The following EFNA3 variants were observed in gnomAD, a reference collection of about 807,000 sequenced individuals.
EFNA3 encodes ephrin-A3.
In EFNA3, 15 loss-of-function variants were observed where a neutral mutation model predicts 25.0. That is an observed-to-expected ratio of 0.60 (90% CI 0.40 to 0.92). The LOEUF (loss-of-function observed/expected upper bound fraction) is 0.92. Ranked by LOEUF, EFNA3 falls within the 40% of genes least tolerant of loss-of-function variation. The pLI is 0.00. For synonymous variants in EFNA3, 153 were observed against 145.6 expected, an observed-to-expected ratio of 1.05 and a Z score of -0.37; for missense variants, 298 against 323.8, an observed-to-expected ratio of 0.92 and a Z score of 0.61.
In EFNA3 at chr1:155,085,380, G is replaced by C; in HGVS notation, c.418G>C (p.Ala140Pro). Residue 140 changes from alanine to proline, a missense_variant, in exon 2 of 5, where the codon GCC (alanine) becomes CCC (proline). By Grantham distance (27) the Ala-to-Pro change is conservative. Transcript: ENST00000368408. This position sits in a 1 kb window ranked among gnomAD's most constrained non-coding sequence, Gnocchi z 4.4. ...CTTCTCTCTGGGCTACGAGTTCCAC[G>C]CCGGCCACGAGTACTACTACATCTG... is the stretch of plus-strand genomic sequence containing the variant. ...SAFSLGYEFH[A>P]GHEYYYISTP... The C allele has an allele frequency of 6.2e-7, 1 of 1,609,586 alleles. No individual in the cohort carries two copies. Among genetic ancestry groups the C allele is most frequent in the Non-Finnish European group, 8.5e-7 (1 of 1,177,570 alleles).
rs376591486 is a variant in EFNA3 at position 155,079,822 on chromosome 1, G to C, written c.128+753G>C. ...CTGAGTGTGTGATTTGTGTGTCTGC[G>C]TCGGCGATCGTCTGGGGGTGGGAGC... is the stretch of plus-strand genomic sequence containing the variant. On this transcript the variant is annotated intron_variant, in intron 1 of 4. Coordinates refer to ENST00000368408, the MANE Select transcript of EFNA3 (RefSeq NM_004952.5). The surrounding 1 kb of genome is among the most constrained non-coding windows in gnomAD (Gnocchi z 7.7). Among the ~76,000 whole-genome samples the C allele has an allele frequency of 6.6e-6, 1 of 152,074 alleles. No individual in the cohort carries two copies. The highest frequency in any genetic ancestry group is 1.5e-5 in the Non-Finnish European group (1 of 68,010).
In EFNA3 at chr1:155,086,543, GCT is replaced by G. The variant is rs1387513279; in HGVS notation, c.*3_*4del. 6.2e-7 allele frequency: 1 copy of G among 1,610,900 alleles called. No homozygotes were observed. Among genetic ancestry groups the G allele is most frequent in the South Asian group, 1.1e-5 (1 of 91,056 alleles). On this transcript the variant is annotated 3_prime_UTR_variant, in exon 5 of 5. Coordinates refer to ENST00000368408, the MANE Select transcript of EFNA3 (RefSeq NM_004952.5). ...TCCTCATGACGTTCTTGGCCTCCTA[GCT>G]CTGCCCCCTCCCCTGGGGGGGGAGA... is the stretch of plus-strand genomic sequence containing the variant.
intron 1 of EFNA3, among the ~76,000 whole-genome samples, chr1:155,083,054 C>T (rs1663375853): frequency 6.6e-6 from 1 of 152,236 alleles, no homozygotes; most frequent in African/African-American, 2.4e-5. Context: ...GAGTACATAA[C>T]AGATGGCTTC....
rs1531478 is a variant in EFNA3 at position 155,085,204 on chromosome 1, G to A, written c.242G>A (p.Gly81Asp). The A allele has an allele frequency of 4.3e-6, 7 of 1,612,754 alleles. No individual in the cohort carries two copies. The East Asian group carries it at 1.6e-4, about 36-fold the overall frequency. ...VGPGAGPGPG[G>D]GAEQYVLYMV... ...CCCGGGGCGGGACCGGGGCCCGGAG[G>A]CGGGGCAGAGCAGTACGTGCTGTAC... The change falls in exon 2 of 5, where the codon GGC (glycine) becomes GAC (aspartate). Residue 81 changes from glycine (G) to aspartate (D), a missense_variant. By Grantham distance (94) the Gly-to-Asp change is moderately conservative (BLOSUM62 -1). Coordinates refer to ENST00000368408, the MANE Select transcript of EFNA3 (RefSeq NM_004952.5). The surrounding 1 kb of genome is among the most constrained non-coding windows in gnomAD (Gnocchi z 4.4).
At position 155,081,071 on chromosome 1, in the gene EFNA3, G is replaced by C. The variant is rs1204679191; in HGVS notation, c.128+2002G>C. Reference sequence around the variant, plus strand: ...GCTCCTGGCTCCCACCTCCCGTCACGTGCGGAGGGTCTCTGCCCCTTGGGG... The same window carrying C: ...GCTCCTGGCTCCCACCTCCCGTCACCTGCGGAGGGTCTCTGCCCCTTGGGG... On this transcript the variant is annotated intron_variant, in intron 1 of 4. Coordinates refer to ENST00000368408, the MANE Select transcript of EFNA3 (RefSeq NM_004952.5). This position sits in a 1 kb window ranked among gnomAD's most constrained non-coding sequence, Gnocchi z 5.2. 1.3e-5 allele frequency among the ~76,000 whole-genome samples: 2 copies of C among 152,196 alleles called. No homozygotes were observed. Among genetic ancestry groups the C allele is most frequent in the Non-Finnish European group, 2.9e-5 (2 of 68,020 alleles).
In EFNA3 at chr1:155,087,472, AG is replaced by A. The variant is rs1052805486; in HGVS notation, c.*930del. 1 of 152,780 alleles carries A rather than the reference AG, an allele frequency of 6.5e-6. No individual in the cohort carries two copies. The highest frequency in any genetic ancestry group is 2.4e-5 in the African/African-American group (1 of 41,432). 9.5% of individuals were successfully genotyped at this position (152,780 alleles called of 1,614,324 possible). On this transcript the variant is annotated 3_prime_UTR_variant, in exon 5 of 5. Coordinates refer to ENST00000368408, the MANE Select transcript of EFNA3 (RefSeq NM_004952.5). ...CACCTATCCTCCTGGGCCTTTTTCA[AG>A]TGCTTTGGCTGTGACTTTCATACTC...
rs1663282950 is a variant in EFNA3, at chr1:155,078,891, G to A, written c.-51G>A. On this transcript the variant is annotated 5_prime_UTR_variant, in exon 1 of 5. Transcript: ENST00000368408. ...CAGCAGGGAGCTGGGAAGCGGAGAA[G>A]CCGGGAGCGCGGGGCTCAGTCGGGG... The A allele has an allele frequency of 1.5e-6, 2 of 1,342,190 alleles. No homozygotes were observed. The highest frequency in any genetic ancestry group is 2.0e-5 in the South Asian group (1 of 49,294). 83.1% of individuals were successfully genotyped at this position (1,342,190 alleles called of 1,614,324 possible). A position where few individuals can be genotyped will look rare whatever the true frequency, so the allele number is the denominator to read the frequency against.
At position 155,086,641 on chromosome 1, in the gene EFNA3, C is replaced by T; in HGVS notation, c.*98C>T. On this transcript the variant is annotated 3_prime_UTR_variant, in exon 5 of 5. Transcript: ENST00000368408. ...AGGGAAGCCTAGTGGGCCTAGACCC[C>T]TCCTCCCATGGCTAGAAGTGGGGCC... is the stretch of plus-strand genomic sequence containing the variant. The T allele has an allele frequency of 2.0e-6, 3 of 1,471,266 alleles. No individual in the cohort carries two copies. The highest frequency in any genetic ancestry group is 1.4e-5 in the African/African-American group (1 of 71,054). The allele number at this position is 1,471,266 out of a possible 1,614,324, so 91.1% of individuals were successfully genotyped here. A position where few individuals can be genotyped will look rare whatever the true frequency, so the allele number is the denominator to read the frequency against.
In EFNA3 at chr1:155,085,125, G is replaced by A. The variant is rs762438987; in HGVS notation, c.163G>A (p.Val55Met). The part of the protein sequence containing the change: ...RREGYTVQVN[V>M]NDYLDIYCPH... ...AGAGGGCTACACCGTGCAGGTGAAC[G>A]TGAACGACTATCTGGATATTTACTG... Residue 55 changes from valine (V) to methionine (M), a missense_variant, in exon 2 of 5, where the codon GTG becomes ATG. By Grantham distance (21) the Val-to-Met change is conservative. Transcript: ENST00000368408. The surrounding 1 kb of genome is among the most constrained non-coding windows in gnomAD (Gnocchi z 4.4). 5 of 1,613,746 alleles carry A rather than the reference G, an allele frequency of 3.1e-6. No homozygotes were observed. The highest frequency in any genetic ancestry group is 4.2e-6 in the Non-Finnish European group (5 of 1,180,022).
rs371922212 is a variant in EFNA3 at position 155,079,731 on chromosome 1, G to A, written c.128+662G>A. Among the ~76,000 whole-genome samples the A allele has an allele frequency of 1.3e-5, 2 of 152,186 alleles. No homozygotes were observed. Among genetic ancestry groups the A allele is most frequent in the East Asian group, 3.9e-4 (2 of 5,190 alleles). The stretch of plus-strand genomic sequence containing the variant: ...GTGTCACACACGCACACACACGCCC[G>A]GGCTGGGGACGGCGAATGGCTCCAA... On this transcript the variant is annotated intron_variant, in intron 1 of 4. Coordinates refer to ENST00000368408, the MANE Select transcript of EFNA3 (RefSeq NM_004952.5). This position sits in a 1 kb window ranked among gnomAD's most constrained non-coding sequence, Gnocchi z 7.7.
At position 155,086,590 on chromosome 1, in the gene EFNA3, G is replaced by A; in HGVS notation, c.*47G>A. 6.2e-7 allele frequency: 1 copy of A among 1,603,858 alleles called. No individual in the cohort carries two copies. The highest frequency in any genetic ancestry group is 1.1e-5 in the South Asian group (1 of 89,960). ...GGGAGAGATGGGGCGGGGCTTGGAA[G>A]GAGCAGGGAGCCTTTGGCCTCTCCA... On this transcript the variant is annotated 3_prime_UTR_variant, in exon 5 of 5. Coordinates refer to ENST00000368408, the MANE Select transcript of EFNA3 (RefSeq NM_004952.5).
Position 155,081,434 on chromosome 1 carries a change from A to T in EFNA3, c.128+2365A>T, listed in dbSNP as rs1367534366. Among the ~76,000 whole-genome samples, 1 of 152,160 alleles carries T rather than the reference A, an allele frequency of 6.6e-6. No individual in the cohort carries two copies. The highest frequency in any genetic ancestry group is 1.9e-4 in the East Asian group (1 of 5,194). ...CATTTCTTTGCAGAACTGAGCAAGG[A>T]TGTTGGTATTTGCTCCGTTCTCAAG... On this transcript the variant is annotated intron_variant, in intron 1 of 4. Transcript: ENST00000368408. The surrounding 1 kb of genome is among the most constrained non-coding windows in gnomAD (Gnocchi z 5.2).
At position 155,085,360 on chromosome 1, in the gene EFNA3, C is replaced by T. The variant is rs1663433940; in HGVS notation, c.398C>T (p.Ser133Phe). The change falls in exon 2 of 5, where the codon TCT (serine) becomes TTT (phenylalanine). Residue 133 changes from serine (S) to phenylalanine (F), a missense_variant. Physicochemically the swap from Ser to Phe is radical, Grantham distance 155 (BLOSUM62 -2). Coordinates refer to ENST00000368408, the MANE Select transcript of EFNA3 (RefSeq NM_004952.5). This position sits in a 1 kb window ranked among gnomAD's most constrained non-coding sequence, Gnocchi z 4.4. ...SEKFQRYSAF[S>F]LGYEFHAGHE... Reference sequence around the variant, plus strand: ...AAGTTCCAGCGCTACAGCGCCTTCTCTCTGGGCTACGAGTTCCACGCCGGC... The same window carrying T: ...AAGTTCCAGCGCTACAGCGCCTTCTTTCTGGGCTACGAGTTCCACGCCGGC... 1 of 1,611,906 alleles carries T rather than the reference C, an allele frequency of 6.2e-7. No individual in the cohort carries two copies.
Position 155,082,368 on chromosome 1 carries a change from C to T in EFNA3, c.129-2723C>T, listed in dbSNP as rs533312266. On this transcript the variant is annotated intron_variant, in intron 1 of 4. Coordinates refer to ENST00000368408, the MANE Select transcript of EFNA3 (RefSeq NM_004952.5). ...AGTTCAGGGCCCCCTGGGATCCTTT[C>T]CCTACTCCCTGGTCTTGTTGGACAC... Among the ~76,000 whole-genome samples, 10 of 152,358 alleles carry T rather than the reference C, an allele frequency of 6.6e-5. No individual in the cohort carries two copies. The East Asian group carries it at 1.9e-3, about 29-fold the overall frequency.
rs747379531 is a variant in EFNA3 at position 155,085,092 on chromosome 1, C to T, written c.130C>T (p.Leu44=). The T allele has an allele frequency of 1.2e-6, 2 of 1,613,476 alleles. No homozygotes were observed. Among genetic ancestry groups the T allele is most frequent in the Admixed American group, 3.3e-5 (2 of 59,960 alleles). The change falls in exon 2 of 5, where the codon CTG becomes TTG. Residue 44 remains leucine (L), a splice_region_variant and synonymous_variant. Coordinates refer to ENST00000368408, the MANE Select transcript of EFNA3 (RefSeq NM_004952.5). This position sits in a 1 kb window ranked among gnomAD's most constrained non-coding sequence, Gnocchi z 4.4. ...TGAGCCGCTTCCTCTTCCCCACAGC[C>T]TGCGGCGAGAGGGCTACACCGTGCA... ...AVYWNSSNQH[L]RREGYTVQVN... is the part of the protein sequence containing the mutation.
rs1663306107 is a variant in EFNA3 at position 155,079,793 on chromosome 1, GTGTC to G, written c.128+727_128+730del. The stretch of plus-strand genomic sequence containing the variant: ...CGTGCGCGGCTGTCAGTGTGCGTGT[GTGTC>G]TGAGTGTGTGATTTGTGTGTCTGCG... On this transcript the variant is annotated intron_variant, in intron 1 of 4. Transcript: ENST00000368408. The surrounding 1 kb of genome is among the most constrained non-coding windows in gnomAD (Gnocchi z 7.7). Among the ~76,000 whole-genome samples, 1 of 152,108 alleles carries G rather than the reference GTGTC, an allele frequency of 6.6e-6. No individual in the cohort carries two copies. The highest frequency in any genetic ancestry group is 2.1e-4 in the South Asian group (1 of 4,822).
Position 155,078,904 on chromosome 1 carries a change from G to A in EFNA3, c.-38G>A. 7.4e-7 allele frequency: 1 copy of A among 1,354,136 alleles called. No homozygotes were observed. The highest frequency in any genetic ancestry group is 3.2e-5 in the East Asian group (1 of 31,742). 83.9% of individuals were successfully genotyped at this position (1,354,136 alleles called of 1,614,324 possible). A position where few individuals can be genotyped will look rare whatever the true frequency, so the allele number is the denominator to read the frequency against. ...GGAAGCGGAGAAGCCGGGAGCGCGG[G>A]GCTCAGTCGGGGGGCGGCGGCGGCG... On this transcript the variant is annotated 5_prime_UTR_variant, in exon 1 of 5. Coordinates refer to ENST00000368408, the MANE Select transcript of EFNA3 (RefSeq NM_004952.5).
rs1663471973 is a variant in EFNA3 at position 155,086,687 on chromosome 1, GC to G, written c.*149del. On this transcript the variant is annotated 3_prime_UTR_variant, in exon 5 of 5. Coordinates refer to ENST00000368408, the MANE Select transcript of EFNA3 (RefSeq NM_004952.5). ...GGGCCTGCACCATACATCTGTGTCC[GC>G]CCCCTCTACCCCTTCCCCCCACGTA... is the stretch of plus-strand genomic sequence containing the variant. 1 of 1,037,158 alleles carries G rather than the reference GC, an allele frequency of 9.6e-7. No individual in the cohort carries two copies. The highest frequency in any genetic ancestry group is 1.4e-6 in the Non-Finnish European group (1 of 728,726). 64.2% of individuals were successfully genotyped at this position (1,037,158 alleles called of 1,614,324 possible). A position where few individuals can be genotyped will look rare whatever the true frequency, so the allele number is the denominator to read the frequency against.
intron 4 of EFNA3, 52 bp downstream of exon 4, chr1:155,086,257 G>T (rs115626564): frequency 1.9e-6 from 3 of 1,601,002 alleles, no homozygotes; most frequent in South Asian, 1.1e-5. Flanking sequence ...GCAGCCCCCC[G>T]CCCCGGTGCC....
Sources: allele counts gnomAD v4.1 joint callset (sites outside exome capture counted in the v4.1 genomes callset), GRCh38; gene constraint gnomAD v4.1.1; non-coding constraint Gnocchi (gnomAD v3.1); transcripts MANE v1.5; gene names NCBI Gene and HGNC (gene_info 2026-07-23, HGNC 2026-07-21).